The following FASTKD1 variants were observed in gnomAD, a reference collection of about 807,000 sequenced individuals.
FASTKD1 encodes FAST kinase domains 1.
Under a neutral mutation model 90.9 loss-of-function variants are expected in FASTKD1, and 94 were observed. The observed-to-expected ratio is 1.03, with a 90% CI of 0.88 to 1.23. The LOEUF is 1.23. Ranked by LOEUF, FASTKD1 falls within the 50% of genes most tolerant of loss-of-function variation. FASTKD1 has a pLI of 0.00. For missense variants in FASTKD1, 945 were observed against 993.5 expected (o/e 0.95, Z 0.66); for synonymous variants, 319 against 345.8 (o/e 0.92, Z 0.86).
Position 169,572,026 on chromosome 2 carries a change from T to C in FASTKD1, c.4A>G (p.Lys2Glu). The C allele has an allele frequency of 6.4e-7, 1 of 1,563,406 alleles. No individual in the cohort carries two copies. The highest frequency in any genetic ancestry group is 8.7e-7 in the Non-Finnish European group (1 of 1,155,400). The change falls in exon 2 of 15, where the codon AAA becomes GAA. Residue 2 changes from lysine (K) to glutamate (E), a missense_variant. Coordinates refer to ENST00000453153, the MANE Select transcript of FASTKD1 (RefSeq NM_024622.6). ...GACTCTAGGAAAACAGGTGTTTTTTTCATTTATATCACAAGTTTTCTTAGG... is the reference window on the plus strand; with the variant it reads ...GACTCTAGGAAAACAGGTGTTTTTTCCATTTATATCACAAGTTTTCTTAGG... M[K>E]KTPVFLESLV...
chr2:169,558,976 C>CT (rs754092407), intron 5 of FASTKD1, among the ~76,000 whole-genome samples: 5,759 of 137,416 alleles, frequency 0.042, 170 homozygotes, highest in East Asian at 0.14. Flanking sequence ...ATTCAAAGTA[C>CT]TTTTTTTTTT....
chr2:169,567,043 A>G (rs1221842921), intron 3 of FASTKD1, among the ~76,000 whole-genome samples: 2 of 151,988 alleles, frequency 1.3e-5, no homozygotes, highest in African/African-American at 4.8e-5. Context: ...TGAACCCAGG[A>G]GGCGGAGCTT....
chr2:169,548,714 A>G (rs1574386212), intron 7 of FASTKD1, among the ~76,000 whole-genome samples: 2 of 136,062 alleles, frequency 1.5e-5, no homozygotes, highest in African/African-American at 2.8e-5. Context: ...CCTGGGTGAC[A>G]GAGCAAGACT....
At chr2:169,556,994 G>A (rs1036801332) in intron 6 of FASTKD1, among the ~76,000 whole-genome samples, 193 bp downstream of exon 6, 3 of 142,196 alleles carry the variant, frequency 2.1e-5, no homozygotes. Context: ...GCAACAGAGT[G>A]AGACTCTGTC....
At chr2:169,542,525 G>A (rs1384472849) in intron 9 of FASTKD1, among the ~76,000 whole-genome samples, 3 of 152,198 alleles carry the variant, frequency 2.0e-5, no homozygotes, top group East Asian at 1.9e-4. Context: ...CTAACAGCAG[G>A]AAGGACTATT....
chr2:169,561,568 A>G (rs1393998558), intron 4 of FASTKD1, among the ~76,000 whole-genome samples: 1 of 151,652 alleles, frequency 6.6e-6, no homozygotes, highest in Non-Finnish European at 1.5e-5. Flanking sequence ...CAGCAAATGT[A>G]ACTATTAACT....
At chr2:169,534,815 A>G (rs1684659920) in intron 12 of FASTKD1, among the ~76,000 whole-genome samples, 1 of 152,074 alleles carries the variant, frequency 6.6e-6, no homozygotes, top group Non-Finnish European at 1.5e-5. Flanking sequence ...AGCAGCAGAA[A>G]AGGACTAAAA....
intron 11 of FASTKD1, 138 bp downstream of exon 11, chr2:169,537,875 T>A (rs575495923): frequency 1.5e-6 from 1 of 647,254 alleles, no homozygotes; most frequent in Admixed American, 3.3e-5. Flanking sequence ...CTACAATATC[T>A]CATATAAAAT....
rs982186676 is a variant in FASTKD1 at position 169,561,774 on chromosome 2, A to G, written c.573-989T>C. 2.0e-3 allele frequency among the ~76,000 whole-genome samples: 276 copies of G among 137,234 alleles called. 3 individuals are homozygous for G. The highest frequency in any genetic ancestry group is 6.8e-3 in the African/African-American group (256 of 37,644). 90.0% of individuals were successfully genotyped at this position (137,234 alleles called of 152,430 possible). ...TAAATTATTTATTAATTTATTGTAA[A>G]TTATTTATTAATTTATTGTAAATTA... is the stretch of plus-strand genomic sequence containing the variant. On this transcript the variant is annotated intron_variant, in intron 4 of 14. Transcript: ENST00000453153.
intron 7 of FASTKD1, among the ~76,000 whole-genome samples, chr2:169,547,210 C>A (rs550745491): frequency 3.2e-4 from 48 of 152,200 alleles, no homozygotes; most frequent in Non-Finnish European, 6.0e-4. Context: ...GATGAAGGGA[C>A]AGTAGGGTGA....
chr2:169,570,179 GCT>G (rs1684168687), intron 2 of FASTKD1, among the ~76,000 whole-genome samples: 2 of 152,136 alleles, frequency 1.3e-5, no homozygotes, highest in South Asian at 4.1e-4. Flanking sequence ...TGAGAAAACT[GCT>G]CTTTTTCATC....
intron 1 of FASTKD1, chr2:169,573,344 C>A (rs1684313365): frequency 6.6e-6 from 1 of 152,254 alleles, no homozygotes; most frequent in Non-Finnish European, 1.5e-5. Flanking sequence ...ATCCACTGAG[C>A]TGCTCAAAGT....
intron 7 of FASTKD1, among the ~76,000 whole-genome samples, chr2:169,552,468 A>G (rs1685529153): frequency 6.6e-6 from 1 of 152,156 alleles, no homozygotes; most frequent in Non-Finnish European, 1.5e-5. Context: ...ATGTTAACCA[A>G]CCTAAATGCC....
At chr2:169,531,677 A>G in intron 12 of FASTKD1, 187 bp from the exon 13 acceptor site, 1 of 512,810 alleles carries the variant, frequency 2.0e-6, no homozygotes, top group Non-Finnish European at 3.4e-6. Flanking sequence ...CTCTTTGGAA[A>G]TCAATCAATA....
At position 169,562,098 on chromosome 2, in the gene FASTKD1, A is replaced by ATT. The variant is rs1300935007; in HGVS notation, c.572+1126_572+1127insAA. Among the ~76,000 whole-genome samples, 73 of 127,130 alleles carry ATT rather than the reference A, an allele frequency of 5.7e-4. 21 individuals are homozygous for ATT. The highest frequency in any genetic ancestry group is 1.4e-3 in the Admixed American group (16 of 11,418). 83.4% of individuals were successfully genotyped at this position (127,130 alleles called of 152,430 possible). On this transcript the variant is annotated intron_variant, in intron 4 of 14. Coordinates refer to ENST00000453153, the MANE Select transcript of FASTKD1 (RefSeq NM_024622.6). ...ATAATTATTTATTAATTTATTGTAA[A>ATT]ATAATTATTTATTAATTTATTGTAA... is the stretch of plus-strand genomic sequence containing the variant.
chr2:169,544,837 T>G lies in FASTKD1; in HGVS notation c.1702-2A>C. On this transcript the variant is annotated splice_acceptor_variant, in intron 8 of 14. Transcript: ENST00000453153. LOFTEE classifies it high-confidence loss of function. ...AGCAGGGATTGTAAAAGGATGGATC[T>G]GTATAAAAAGAACAAAAAATTTATA... 6.4e-7 allele frequency: 1 copy of G among 1,555,390 alleles called. No homozygotes were observed. Among genetic ancestry groups the G allele is most frequent in the East Asian group, 2.3e-5 (1 of 44,438 alleles).
rs948674998 is a variant in FASTKD1, at chr2:169,531,130, C to T, written c.2327+222G>A. 6.7e-6 allele frequency: 5 copies of T among 750,948 alleles called. No individual in the cohort carries two copies. In the African/African-American group the frequency reaches 6.8e-5, roughly 10 times the overall value. The allele number at this position is 750,948 out of a possible 1,614,324, so 46.5% of individuals were successfully genotyped here. A position where few individuals can be genotyped will look rare whatever the true frequency, so the allele number is the denominator to read the frequency against. On this transcript the variant is annotated intron_variant, in intron 13 of 14. Transcript: ENST00000453153. Reference sequence around the variant, plus strand: ...ATACTATTTTACTTCCAGTGGAGGACAATTCTTTTAGCACTTTAGTTAGGG... The same window carrying T: ...ATACTATTTTACTTCCAGTGGAGGATAATTCTTTTAGCACTTTAGTTAGGG...
At position 169,562,031 on chromosome 2, in the gene FASTKD1, A is replaced by ATTAATTTATTGTAAATTAATTATTTG. The variant is rs1559157428; in HGVS notation, c.572+1193_572+1194insCAAATAATTAATTTACAATAAATTAA. 9.0e-4 allele frequency among the ~76,000 whole-genome samples: 104 copies of ATTAATTTATTGTAAATTAATTATTTG among 115,224 alleles called. 25 individuals carry two copies. The highest frequency in any genetic ancestry group is 1.3e-3 in the Admixed American group (13 of 10,004). The allele number at this position is 115,224 out of a possible 152,430, so 75.6% of individuals were successfully genotyped here. On this transcript the variant is annotated intron_variant, in intron 4 of 14. Coordinates refer to ENST00000453153, the MANE Select transcript of FASTKD1 (RefSeq NM_024622.6). ...TTAATTTATTGTAAATTAATTATTT[A>ATTAATTTATTGTAAATTAATTATTTG]TTAATTTATTGTAAATTAATTATTT...
chr2:169,560,539 A>G lies in FASTKD1; in HGVS notation c.819T>C (p.Ser273=). Reference sequence around the variant, plus strand: ...TATTAAATTGTAGAAATTTGTATACACTAAGTATTTTACTGATGGAATCCA... The same window carrying G: ...TATTAAATTGTAGAAATTTGTATACGCTAAGTATTTTACTGATGGAATCCA... ...LDLDSISKIL[S]VYKFLQFNSF... The change falls in exon 5 of 15, where the codon AGT becomes AGC. Residue 273 remains serine, a synonymous_variant. Coordinates refer to ENST00000453153, the MANE Select transcript of FASTKD1 (RefSeq NM_024622.6). 6.2e-7 allele frequency: 1 copy of G among 1,603,704 alleles called. No homozygotes were observed. The highest frequency in any genetic ancestry group is 8.5e-7 in the Non-Finnish European group (1 of 1,175,726).
Sources: gnomAD v4.1 joint callset for allele counts (sites outside exome capture counted in the v4.1 genomes callset) on GRCh38, gnomAD v4.1.1 for gene constraint, MANE v1.5 for transcripts, NCBI Gene and HGNC (gene_info 2026-07-23, HGNC 2026-07-21) for gene names.